RSAD2: variants seen among roughly 807,000 people sequenced by gnomAD.
The protein encoded by RSAD2 is radical S-adenosyl methionine domain containing 2.
A neutral mutation model predicts 37.7 loss-of-function variants in RSAD2; 38 were observed. The observed-to-expected ratio is 1.01, with a 90% CI of 0.78 to 1.32. The LOEUF (loss-of-function observed/expected upper bound fraction) is 1.32. Ranked by LOEUF, RSAD2 falls within the 40% of genes most tolerant of loss-of-function variation. RSAD2 has a pLI of 0.00. For synonymous variants in RSAD2, 163 were observed against 157.4 expected, an observed-to-expected ratio of 1.04 and a Z score of -0.27; for missense variants, 428 against 437.5, an observed-to-expected ratio of 0.98 and a Z score of 0.19.
chr2:6,889,405 A>G lies in RSAD2; in HGVS notation c.739-771A>G, dbSNP rs371458075. On this transcript the variant is annotated intron_variant, in intron 3 of 5. Coordinates refer to ENST00000382040, the MANE Select transcript of RSAD2 (RefSeq NM_080657.5). Reference sequence around the variant, plus strand: ...AAGAGGAAAAATAAAGAGTGAGCAAAAAAGGCAACATGAAGTGTTGACAAT... The same window carrying G: ...AAGAGGAAAAATAAAGAGTGAGCAAGAAAGGCAACATGAAGTGTTGACAAT... 3.9e-5 allele frequency among the ~76,000 whole-genome samples: 6 copies of G among 152,242 alleles called. No individual in the cohort carries two copies. In the East Asian group the frequency reaches 9.6e-4, roughly 24 times the overall value.
chr2:6,873,975 G>A (rs1445851135), upstream of RSAD2, among the ~76,000 whole-genome samples: 2 of 152,152 alleles, frequency 1.3e-5, no homozygotes, highest in African/African-American at 4.8e-5. Flanking sequence ...TGTTGAAATT[G>A]TAAACCTCAA....
upstream of RSAD2, among the ~76,000 whole-genome samples, chr2:6,873,233 T>C (rs1663230380): frequency 6.6e-6 from 1 of 152,224 alleles, no homozygotes; most frequent in South Asian, 2.1e-4. Flanking sequence ...CTTTTCTTGA[T>C]GTGTCTGAAT....
At chr2:6,878,505 A>G (rs1358304731) in intron 1 of RSAD2, among the ~76,000 whole-genome samples, 1 of 152,232 alleles carries the variant, frequency 6.6e-6, no homozygotes, top group Middle Eastern at 3.2e-3. Flanking sequence ...GTTTGCCCAC[A>G]ACACTAACGA....
intron 1 of RSAD2, among the ~76,000 whole-genome samples, chr2:6,882,882 G>A (rs1663442506): frequency 1.3e-5 from 2 of 152,200 alleles, no homozygotes; most frequent in Non-Finnish European, 2.9e-5. Context: ...GCATTTTGAG[G>A]CATACAAGTC....
At chr2:6,876,017 G>A (rs553321702), upstream of RSAD2, among the ~76,000 whole-genome samples, 42 of 152,172 alleles carry the variant, frequency 2.8e-4, no homozygotes, top group Non-Finnish European at 4.9e-4. Context: ...TCCCTTGCTC[G>A]TGTGGTCCTA....
chr2:6,878,743 C>G (rs1307785526), intron 1 of RSAD2: 7 of 859,164 alleles, frequency 8.1e-6, no homozygotes, highest in Non-Finnish European at 9.2e-6. Context: ...GAGAACTCAG[C>G]ACGTGACCTT....
At position 6,870,893 on chromosome 2, in the gene RSAD2, G is replaced by A. The variant is rs542887410; in HGVS notation, c.142+4848G>A. Among the ~76,000 whole-genome samples, 207 of 152,314 alleles carry A rather than the reference G, an allele frequency of 1.4e-3. 1 individual carries two copies. Among genetic ancestry groups the A allele is most frequent in the African/African-American group, 4.9e-3 (202 of 41,578 alleles). On this transcript the variant is annotated intron_variant, in intron 1 of 5. Transcript: ENST00000442639. ...TGGTCAGCTGCCTTCTGGCACTCCA[G>A]CTGGATTTACGAGCCAAAATTATGG...
chr2:6,887,164 A>G lies in RSAD2; in HGVS notation c.738A>G (p.Lys246=), dbSNP rs770444137. 2.9e-5 allele frequency: 46 copies of G among 1,610,164 alleles called. No homozygotes were observed. Among genetic ancestry groups the G allele is most frequent in the Non-Finnish European group, 3.7e-5 (44 of 1,176,652 alleles). The change falls in exon 3 of 6, where the codon AAA becomes AAG. Residue 246 remains lysine (K), a splice_region_variant and synonymous_variant. Coordinates refer to ENST00000382040, the MANE Select transcript of RSAD2 (RefSeq NM_080657.5). ...QIKALNPVRW[K]VFQCLLIEGE... Reference sequence around the variant, plus strand: ...AAGCACTAAACCCTGTCCGCTGGAAAGTAAGTACACAAGGTCGCTTTTGCT... The same window carrying G: ...AAGCACTAAACCCTGTCCGCTGGAAGGTAAGTACACAAGGTCGCTTTTGCT...
At chr2:6,873,030 C>G (rs1438077915), upstream of RSAD2, among the ~76,000 whole-genome samples, 1 of 152,154 alleles carries the variant, frequency 6.6e-6, no homozygotes, top group Non-Finnish European at 1.5e-5. Context: ...AGCTCTCTTT[C>G]TCTTGGTCCT....
intron 1 of RSAD2, among the ~76,000 whole-genome samples, chr2:6,882,924 A>C (rs1315335982): frequency 2.0e-5 from 3 of 152,206 alleles, no homozygotes; most frequent in Non-Finnish European, 2.9e-5. Context: ...CGTTTTTTTC[A>C]GGAAGCTTGT....
chr2:6,877,454 C>T (rs1318404979), upstream of RSAD2, among the ~76,000 whole-genome samples: 3 of 152,200 alleles, frequency 2.0e-5, no homozygotes, highest in Non-Finnish European at 4.4e-5. Flanking sequence ...CTGATTAATG[C>T]ACCTTGTCTA....
At chr2:6,871,594 A>C (rs1016770032) in intron 1 of RSAD2, among the ~76,000 whole-genome samples, 1 of 152,250 alleles carries the variant, frequency 6.6e-6, no homozygotes, top group Non-Finnish European at 1.5e-5. Context: ...TATTTACAGA[A>C]ACGCTGGTTG....
chr2:6,890,092 T>G, intron 3 of RSAD2, 84 bp from the exon 4 acceptor site: 1 of 1,328,128 alleles, frequency 7.5e-7, no homozygotes, highest in South Asian at 1.3e-5. Context: ...TCAGAAGAGA[T>G]GAAGCTTGAA....
rs767429058 is a variant in RSAD2 at position 6,895,873 on chromosome 2, T to C, written c.1017T>C (p.Asp339=). ...VEEAIKFSGF[D]EKMFLKRGGK... ...AAGCTATAAAATTCAGTGGATTTGATGAAAAGATGTTTCTGAAGCGAGGAG... is the reference window on the plus strand; with the variant it reads ...AAGCTATAAAATTCAGTGGATTTGACGAAAAGATGTTTCTGAAGCGAGGAG... Residue 339 remains aspartate (D), a synonymous_variant, in exon 6 of 6, where the codon GAT becomes GAC. Transcript: ENST00000382040. 20 of 1,614,066 alleles carry C rather than the reference T, an allele frequency of 1.2e-5. No homozygotes were observed. Among genetic ancestry groups the C allele is most frequent in the Admixed American group, 1.7e-5 (1 of 60,012 alleles).
chr2:6,885,524 G>A (rs1232006739), intron 2 of RSAD2, among the ~76,000 whole-genome samples: 1 of 152,150 alleles, frequency 6.6e-6, no homozygotes, highest in Non-Finnish European at 1.5e-5. Flanking sequence ...TGCAGGGATT[G>A]GCCAAGATTC....
intron 1 of RSAD2, among the ~76,000 whole-genome samples, chr2:6,882,247 CAG>C (rs1444484659): frequency 6.6e-6 from 1 of 151,952 alleles, no homozygotes; most frequent in Non-Finnish European, 1.5e-5. Flanking sequence ...AACAAATACA[CAG>C]AGAGTATGTA....
chr2:6,866,414 GCA>G, intron 1 of RSAD2: 1 of 984,838 alleles, frequency 1.0e-6, no homozygotes, highest in Non-Finnish European at 1.2e-6. Flanking sequence ...ACTCACCTTT[GCA>G]CACACTCACC....
intron 3 of RSAD2, among the ~76,000 whole-genome samples, chr2:6,888,177 T>C (rs2103246353): frequency 6.6e-6 from 1 of 152,298 alleles, no homozygotes; most frequent in East Asian, 1.9e-4. Context: ...TTAAATCCCA[T>C]GTCAGCATTC....
At chr2:6,894,477 T>C (rs1410742019) in intron 5 of RSAD2, among the ~76,000 whole-genome samples, 1 of 151,706 alleles carries the variant, frequency 6.6e-6, no homozygotes, top group Admixed American at 6.6e-5. Context: ...CTTTCTTTTC[T>C]TTTTTTTTCT....
Sources: gnomAD v4.1 joint callset for allele counts (sites outside exome capture counted in the v4.1 genomes callset) on GRCh38, gnomAD v4.1.1 for gene constraint, MANE v1.5 for transcripts, NCBI Gene and HGNC (gene_info 2026-07-23, HGNC 2026-07-21) for gene names.